EPS8L2: variants seen among roughly 807,000 people sequenced by gnomAD.
EPS8L2 encodes the protein epidermal growth factor receptor kinase substrate 8-like protein 2.
EPS8L2 carries 81 observed loss-of-function variants against 99.4 expected under a neutral mutation model. The observed-to-expected ratio is 0.82, with a 90% CI of 0.68 to 0.98. The LOEUF is 0.98. Ranked by LOEUF, EPS8L2 falls within the 50% of genes least tolerant of loss-of-function variation. The pLI is 0.00. For missense variants in EPS8L2, 1,155 were observed against 968.8 expected (o/e 1.19, Z -2.55); for synonymous variants, 509 against 407.3 (o/e 1.25, Z -3.01).
In EPS8L2 at chr11:721,279, C is replaced by G. The variant is rs770884434; in HGVS notation, c.701-6C>G. 2.4e-5 allele frequency: 37 copies of G among 1,540,394 alleles called. No homozygotes were observed. The highest frequency in any genetic ancestry group is 3.2e-5 in the Non-Finnish European group (37 of 1,146,466). On this transcript the variant is annotated splice_polypyrimidine_tract_variant and splice_region_variant and intron_variant, in intron 8 of 20. Transcript: ENST00000318562. ...CTCGGTGAGCAGCCGCCGTGTCCCC[C>G]ATCAGGTTTCCGCCGTCGGGAGTCG...
At chr11:707,152 G>C (rs73407148) in intron 1 of EPS8L2, among the ~76,000 whole-genome samples, 25,640 of 151,200 alleles carry the variant, frequency 0.17, 2,495 homozygotes, top group East Asian at 0.26. Context: ...CCCCTCCTGG[G>C]TCCCAGCCTC....
At chr11:721,507 A>G in intron 9 of EPS8L2, 58 bp from the exon 10 acceptor site, 1 of 1,518,284 alleles carries the variant, frequency 6.6e-7, no homozygotes. Flanking sequence ...CTGTCCCTGC[A>G]GCAAGGCGGG....
chr11:721,524 G>T (rs892297455), intron 9 of EPS8L2, 41 bp from the exon 10 acceptor site: 13 of 1,524,212 alleles, frequency 8.5e-6, no homozygotes, highest in South Asian at 1.3e-5. Context: ...CGGGGCGGTG[G>T]GGAGTGTCAG....
At chr11:721,835 TG>T (rs762140488) in intron 10 of EPS8L2, 67 bp from the exon 11 acceptor site, 3 of 1,530,758 alleles carry the variant, frequency 2.0e-6, no homozygotes, top group African/African-American at 2.7e-5. Context: ...ATGGGCTGCG[TG>T]GGACAGAAGG....
chr11:717,455 T>G (rs1427345489), intron 4 of EPS8L2, among the ~76,000 whole-genome samples: 1 of 152,194 alleles, frequency 6.6e-6, no homozygotes, highest in East Asian at 1.9e-4. Context: ...GTGTGCAGCT[T>G]TAGAGGTGCC....
Position 727,042 on chromosome 11 carries a change from T to C in EPS8L2, c.*61T>C, listed in dbSNP as rs1458031705. 9.8e-6 allele frequency: 11 copies of C among 1,124,942 alleles called. No homozygotes were observed. Among genetic ancestry groups the C allele is most frequent in the Non-Finnish European group, 1.3e-5 (10 of 755,070 alleles). The allele number at this position is 1,124,942 out of a possible 1,614,324, so 69.7% of individuals were successfully genotyped here. A position where few individuals can be genotyped will look rare whatever the true frequency, so the allele number is the denominator to read the frequency against. On this transcript the variant is annotated 3_prime_UTR_variant, in exon 21 of 21. Transcript: ENST00000318562. ...AGCCCACCCACAATGCATGGAGTATTATTTTTATATGTGTATGTATTTTGT... is the reference window on the plus strand; with the variant it reads ...AGCCCACCCACAATGCATGGAGTATCATTTTTATATGTGTATGTATTTTGT...
chr11:710,495 C>G lies in EPS8L2; in HGVS notation c.165+9C>G, dbSNP rs376203143. On this transcript the variant is annotated intron_variant, in intron 4 of 20. Coordinates refer to ENST00000318562, the MANE Select transcript of EPS8L2 (RefSeq NM_022772.4). ...CGCAGTACCACGTCCAGGTAAGGCC[C>G]CGCCCCCAGGTAGGCTCCGCCCCCA... The G allele has an allele frequency of 1.2e-6, 2 of 1,613,078 alleles. No individual in the cohort carries two copies. Among genetic ancestry groups the G allele is most frequent in the Non-Finnish European group, 1.7e-6 (2 of 1,179,402 alleles).
At chr11:711,272 G>A (rs1038969944) in intron 4 of EPS8L2, among the ~76,000 whole-genome samples, 2 of 126,618 alleles carry the variant, frequency 1.6e-5, no homozygotes, top group African/African-American at 8.3e-5. Flanking sequence ...GTGCGTGCGT[G>A]TGTGTGTGTG....
At chr11:725,492 CAG>C (rs1352929892) in intron 16 of EPS8L2, among the ~76,000 whole-genome samples, 1 of 152,130 alleles carries the variant, frequency 6.6e-6, no homozygotes, top group East Asian at 1.9e-4. Context: ...GCCTGGGCGG[CAG>C]AGTGAGACCC....
chr11:721,255 T>G (rs1394490205), intron 8 of EPS8L2, 30 bp from the exon 9 acceptor site: 1 of 1,537,490 alleles, frequency 6.5e-7, no homozygotes, highest in Non-Finnish European at 8.7e-7. Flanking sequence ...TGTGGGGGGC[T>G]CGGTGAGCAG....
At chr11:712,621 G>A (rs1861920773) in intron 4 of EPS8L2, among the ~76,000 whole-genome samples, 1 of 152,244 alleles carries the variant, frequency 6.6e-6, no homozygotes, top group African/African-American at 2.4e-5. Flanking sequence ...AGCCCTGGCT[G>A]GGGGCCCAAA....
intron 5 of EPS8L2, 57 bp from the exon 6 acceptor site, chr11:720,540 C>G (rs753421157): frequency 1.3e-6 from 2 of 1,560,392 alleles, no homozygotes; most frequent in Non-Finnish European, 1.7e-6. Flanking sequence ...TCCGGCCACT[C>G]CCTGCCAGAG....
At position 724,314 on chromosome 11, in the gene EPS8L2, T is replaced by G. The variant is rs966081386; in HGVS notation, c.1455-410T>G. The stretch of plus-strand genomic sequence containing the variant: ...CTCCACTGGACCATTTGGGCTGTGT[T>G]CAGTCCTCAGAGGGGCCACGGCTCT... On this transcript the variant is annotated intron_variant, in intron 15 of 20. Transcript: ENST00000318562. This position sits in a 1 kb window ranked among gnomAD's most constrained non-coding sequence, Gnocchi z 5.5. Among the ~76,000 whole-genome samples the G allele has an allele frequency of 6.6e-6, 1 of 151,910 alleles. No homozygotes were observed. Among genetic ancestry groups the G allele is most frequent in the Non-Finnish European group, 1.5e-5 (1 of 68,018 alleles).
rs995750956 is a variant in EPS8L2 at position 721,979 on chromosome 11, G to C, written c.972G>C (p.Ala324=). 1 of 1,605,646 alleles carries C rather than the reference G, an allele frequency of 6.2e-7. No individual in the cohort carries two copies. Among genetic ancestry groups the C allele is most frequent in the Non-Finnish European group, 8.5e-7 (1 of 1,176,204 alleles). ...ACTGCTTCCAGAAAATCAAGCTGGCGATTAACTTGCTGGTGGGTCCGGTGG... is the reference window on the plus strand; with the variant it reads ...ACTGCTTCCAGAAAATCAAGCTGGCCATTAACTTGCTGGTGGGTCCGGTGG... ...FIDCFQKIKL[A]INLLAKLQKH... The change falls in exon 11 of 21, where the codon GCG becomes GCC. Residue 324 remains alanine (A), a synonymous_variant. Coordinates refer to ENST00000318562, the MANE Select transcript of EPS8L2 (RefSeq NM_022772.4).
Position 709,317 on chromosome 11 carries a change from T to G in EPS8L2, c.-78-13T>G. The G allele has an allele frequency of 7.0e-7, 1 of 1,438,506 alleles. No individual in the cohort carries two copies. Among genetic ancestry groups the G allele is most frequent in the Non-Finnish European group, 9.5e-7 (1 of 1,050,736 alleles). The allele number at this position is 1,438,506 out of a possible 1,614,324, so 89.1% of individuals were successfully genotyped here. On this transcript the variant is annotated splice_polypyrimidine_tract_variant and intron_variant, in intron 1 of 20. Coordinates refer to ENST00000318562, the MANE Select transcript of EPS8L2 (RefSeq NM_022772.4). Reference sequence around the variant, plus strand: ...CCGGAGGAAGTGTCAGCGCAGCCCTTCTGTCCACCCAGGTGTGGGACAGGC... The same window carrying G: ...CCGGAGGAAGTGTCAGCGCAGCCCTGCTGTCCACCCAGGTGTGGGACAGGC...
intron 19 of EPS8L2, 63 bp from the exon 20 acceptor site, chr11:726,556 C>T: frequency 7.8e-7 from 1 of 1,288,648 alleles, no homozygotes; most frequent in Non-Finnish European, 1.1e-6. Context: ...GCGCAGCTGT[C>T]GGGGCGGGCG....
chr11:722,677 G>A lies in EPS8L2; in HGVS notation c.1213G>A (p.Glu405Lys), dbSNP rs989243676. 20 of 1,607,032 alleles carry A rather than the reference G, an allele frequency of 1.2e-5. No individual in the cohort carries two copies. The highest frequency in any genetic ancestry group is 2.2e-5 in the East Asian group (1 of 44,508). The change falls in exon 14 of 21, where the codon GAG becomes AAG. Residue 405 changes from glutamate (E) to lysine (K), a missense_variant. Glu to Lys is a moderately conservative substitution (Grantham distance 56, BLOSUM62 1). Coordinates refer to ENST00000318562, the MANE Select transcript of EPS8L2 (RefSeq NM_022772.4). ...CTTCAGGACCTCTCACCCCAGTTCC[G>A]AGTGGCCGCGGGAGCCACAGGTGCC... ...LGESWMRPRSEWPREPQVPLY... is the reference protein window; with the variant it reads ...LGESWMRPRSKWPREPQVPLY...
At chr11:726,218 G>T in intron 18 of EPS8L2, 48 bp downstream of exon 18, 15 of 1,575,822 alleles carry the variant, frequency 9.5e-6, no homozygotes, top group Non-Finnish European at 1.3e-5. Flanking sequence ...AGGGCCACCT[G>T]GGGGAGGAAG....
chr11:725,629 G>C, intron 16 of EPS8L2, 99 bp from the exon 17 acceptor site: 1 of 1,148,694 alleles, frequency 8.7e-7, no homozygotes, highest in Non-Finnish European at 1.1e-6. Flanking sequence ...GGCTCCGGGA[G>C]ACCCTAGGGC....
Sources: allele counts gnomAD v4.1 joint callset (sites outside exome capture counted in the v4.1 genomes callset), GRCh38; gene constraint gnomAD v4.1.1; non-coding constraint Gnocchi (gnomAD v3.1); transcripts MANE v1.5; gene names NCBI Gene and HGNC (gene_info 2026-07-23, HGNC 2026-07-21).